RBMS3: variants seen among roughly 807,000 people sequenced by gnomAD.
RBMS3 encodes the protein RNA-binding motif, single-stranded-interacting protein 3.
A neutral mutation model predicts 66.8 loss-of-function variants in RBMS3; 27 were observed. The observed-to-expected ratio is 0.40, with a 90% CI of 0.30 to 0.56. The LOEUF (loss-of-function observed/expected upper bound fraction) is 0.56. Ranked by LOEUF, RBMS3 falls within the 20% of genes least tolerant of loss-of-function variation. The pLI is 0.40. For synonymous variants in RBMS3, 188 were observed against 183.0 expected (o/e 1.03, Z -0.22); for missense variants, 513 against 549.5 (o/e 0.93, Z 0.66).
At position 29,860,559 on chromosome 3, in the gene RBMS3, C is replaced by T. The variant is rs142601679; in HGVS notation, c.638-8299C>T. On this transcript the variant is annotated intron_variant, in intron 6 of 14. Transcript: ENST00000383767. ...AGGTTGACATCCATTCCATGCTCTA[C>T]GAATGCCTATCTATGTCTCTATTAT... Among the ~76,000 whole-genome samples the T allele has an allele frequency of 4.6e-5, 7 of 152,268 alleles. No homozygotes were observed. The East Asian group carries it at 1.4e-3, about 29-fold the overall frequency.
rs60712857 is a variant in RBMS3 at position 29,639,593 on chromosome 3, C to CAGAGAGAGAGAGAGAGAGAG, written c.399+52400_399+52419dup. On this transcript the variant is annotated intron_variant, in intron 4 of 14. Coordinates refer to ENST00000383767, the MANE Select transcript of RBMS3 (RefSeq NM_001003793.3). ...CTATAGATGATAGATAGAAGATAGA[C>CAGAGAGAGAGAGAGAGAGAG]AGAGAGAGAGAGAGAGAGAGAGAGA... Among the ~76,000 whole-genome samples, 338 of 143,138 alleles carry CAGAGAGAGAGAGAGAGAGAG rather than the reference C, an allele frequency of 2.4e-3. 5 individuals are homozygous for CAGAGAGAGAGAGAGAGAGAG. The highest frequency in any genetic ancestry group is 0.019 in the South Asian group (87 of 4,462). 93.9% of individuals were successfully genotyped at this position (143,138 alleles called of 152,430 possible).
chr3:29,417,168 A>G (rs10222602), intron 1 of RBMS3, among the ~76,000 whole-genome samples: 65,856 of 151,760 alleles, frequency 0.43, 14,543 homozygotes, highest in African/African-American at 0.52. Flanking sequence ...TTTTATTTTC[A>G]TGTTGTTCTT....
intron 1 of RBMS3, among the ~76,000 whole-genome samples, chr3:29,295,409 G>A (rs1048088630): frequency 1.4e-5 from 2 of 147,280 alleles, no homozygotes; most frequent in South Asian, 4.2e-4. Flanking sequence ...AAATTTTAGG[G>A]AATTTTTTAA....
At chr3:29,323,439 A>T (rs865953584) in intron 1 of RBMS3, among the ~76,000 whole-genome samples, 8 of 152,148 alleles carry the variant, frequency 5.3e-5, no homozygotes, top group African/African-American at 1.9e-4. Flanking sequence ...TGATTTAATA[A>T]TTTGGCAAAC....
At chr3:29,293,816 T>G (rs1285041782) in intron 1 of RBMS3, among the ~76,000 whole-genome samples, 1 of 151,390 alleles carries the variant, frequency 6.6e-6, no homozygotes, top group African/African-American at 2.4e-5. Flanking sequence ...CTTCTTTGTC[T>G]CTCTGCCCTC....
intron 4 of RBMS3, among the ~76,000 whole-genome samples, chr3:29,615,665 C>A (rs982944463): frequency 6.6e-6 from 1 of 150,782 alleles, no homozygotes; most frequent in African/African-American, 2.5e-5. Flanking sequence ...TACTTGAGTC[C>A]AAAAATTTGA....
intron 2 of RBMS3, among the ~76,000 whole-genome samples, chr3:29,463,103 G>A (rs1259039865): frequency 1.3e-5 from 2 of 152,030 alleles, no homozygotes; most frequent in African/African-American, 2.4e-5. Flanking sequence ...GGAGAGGAGG[G>A]GGACCTCATG....
At chr3:29,618,060 C>G (rs1053544299) in intron 4 of RBMS3, among the ~76,000 whole-genome samples, 1 of 152,100 alleles carries the variant, frequency 6.6e-6, no homozygotes, top group African/African-American at 2.4e-5. Flanking sequence ...TCAAAGATAT[C>G]TCTTAGAAAA....
At chr3:29,752,633 C>T (rs1346992107) in intron 5 of RBMS3, among the ~76,000 whole-genome samples, 1 of 152,146 alleles carries the variant, frequency 6.6e-6, no homozygotes, top group Non-Finnish European at 1.5e-5. Flanking sequence ...AACATATAGA[C>T]ATACAGGACA....
intron 1 of RBMS3, among the ~76,000 whole-genome samples, chr3:29,319,542 G>A (rs928206739): frequency 6.6e-6 from 1 of 151,964 alleles, no homozygotes; most frequent in Non-Finnish European, 1.5e-5. Context: ...AACTACTGTG[G>A]GCCAGGCACT....
At chr3:29,903,088 C>T (rs1464267477) in intron 10 of RBMS3, 2 of 151,802 alleles carry the variant, frequency 1.3e-5, no homozygotes, top group Non-Finnish European at 2.9e-5. Context: ...AAGTTTGTTT[C>T]TTTGTACATT....
intron 12 of RBMS3, among the ~76,000 whole-genome samples, chr3:29,982,569 C>T (rs887239287): frequency 7.2e-5 from 11 of 152,276 alleles, no homozygotes; most frequent in African/African-American, 2.6e-4. Context: ...ATCAATTTCC[C>T]TCTAAACACT....
At chr3:29,489,477 G>C (rs1402745659) in intron 3 of RBMS3, among the ~76,000 whole-genome samples, 4 of 151,622 alleles carry the variant, frequency 2.6e-5, no homozygotes, top group African/African-American at 9.7e-5. Flanking sequence ...ATAGATTCAA[G>C]TCCTAGTTAA....
chr3:29,349,193 C>T (rs572986294), intron 1 of RBMS3, among the ~76,000 whole-genome samples: 9 of 151,786 alleles, frequency 5.9e-5, no homozygotes, highest in East Asian at 1.9e-4. Flanking sequence ...TCCCTTTGCA[C>T]CCCGTGGAGA....
intron 4 of RBMS3, among the ~76,000 whole-genome samples, chr3:29,611,949 C>T (rs1249728676): frequency 2.6e-5 from 4 of 151,882 alleles, no homozygotes; most frequent in Admixed American, 1.3e-4. Context: ...TACAGTATAA[C>T]GGTTATGAAT....
At chr3:29,374,910 C>T (rs982868173) in intron 1 of RBMS3, among the ~76,000 whole-genome samples, 4 of 152,194 alleles carry the variant, frequency 2.6e-5, no homozygotes, top group Admixed American at 2.6e-4. Context: ...TGCTACTGCA[C>T]ATTTCTTTCC....
intron 4 of RBMS3, among the ~76,000 whole-genome samples, chr3:29,704,124 A>G (rs947039505): frequency 6.6e-5 from 10 of 152,214 alleles, no homozygotes; most frequent in Admixed American, 6.5e-4. Context: ...AGAGTGAGTC[A>G]TATAATTATT....
At chr3:29,595,075 T>C (rs954191371) in intron 4 of RBMS3, among the ~76,000 whole-genome samples, 1 of 152,096 alleles carries the variant, frequency 6.6e-6, no homozygotes, top group African/African-American at 2.4e-5. Flanking sequence ...TACTGAAGGA[T>C]ATGTGTGGAA....
chr3:29,878,899 T>C (rs1485268416), intron 7 of RBMS3, among the ~76,000 whole-genome samples: 5 of 151,868 alleles, frequency 3.3e-5, no homozygotes, highest in East Asian at 3.9e-4. Context: ...TTAAATAAAA[T>C]TAGCTGGGCT....
Sources: gnomAD v4.1 joint callset for allele counts (sites outside exome capture counted in the v4.1 genomes callset) on GRCh38, gnomAD v4.1.1 for gene constraint, MANE v1.5 for transcripts, NCBI Gene and HGNC (gene_info 2026-07-23, HGNC 2026-07-21) for gene names.